FER: variants seen among roughly 807,000 people sequenced by gnomAD.
FER encodes the protein tyrosine-protein kinase Fer.
A neutral mutation model predicts 111.0 loss-of-function variants in FER; 63 were observed. That is an observed-to-expected ratio of 0.57 (90% CI 0.46 to 0.70). The LOEUF is 0.70. Ranked by LOEUF, FER falls within the 30% of genes least tolerant of loss-of-function variation. The pLI is 0.00. For missense variants in FER, 914 were observed against 954.0 expected (o/e 0.96, Z 0.55); for synonymous variants, 327 against 313.9 (o/e 1.04, Z -0.44).
chr5:108,868,315 T>C (rs796802356), intron 6 of FER, among the ~76,000 whole-genome samples: 6 of 137,220 alleles, frequency 4.4e-5, no homozygotes, highest in African/African-American at 1.5e-4. Flanking sequence ...TTTTGAAAGT[T>C]TATTTGTCAG....
intron 18 of FER, among the ~76,000 whole-genome samples, chr5:109,183,255 T>TTTG (rs1758473736): frequency 1.3e-5 from 2 of 148,902 alleles, no homozygotes; most frequent in Non-Finnish European, 3.0e-5. Flanking sequence ...CGTGTTTTTT[T>TTTG]TTTTTTTTTT....
chr5:108,945,710 T>G (rs1244468602), intron 10 of FER, among the ~76,000 whole-genome samples: 1 of 152,170 alleles, frequency 6.6e-6, no homozygotes, highest in African/African-American at 2.4e-5. Flanking sequence ...CTGTTTTTTT[T>G]TGTGATTATT....
Position 108,753,186 on chromosome 5 carries a change from A to G in FER, c.-206+5186A>G, listed in dbSNP as rs371080385. 2.6e-5 allele frequency among the ~76,000 whole-genome samples: 4 copies of G among 152,260 alleles called. No individual in the cohort carries two copies. In the South Asian group the frequency reaches 6.2e-4, roughly 24 times the overall value. On this transcript the variant is annotated intron_variant, in intron 1 of 19. Coordinates refer to ENST00000281092, the MANE Select transcript of FER (RefSeq NM_005246.4). ...TGTATTCAGTTCTTTATGTGATAAC[A>G]TTGATTTTATCTCTCCTTGTATTAA...
At chr5:109,011,454 C>T (rs1481649286) in intron 13 of FER, among the ~76,000 whole-genome samples, 3 of 152,136 alleles carry the variant, frequency 2.0e-5, no homozygotes, top group Admixed American at 1.3e-4. Flanking sequence ...TTGTCTCGCT[C>T]AGTTACCTTT....
chr5:109,002,792 A>G (rs959201825), intron 13 of FER, among the ~76,000 whole-genome samples: 1 of 152,370 alleles, frequency 6.6e-6, no homozygotes, highest in African/African-American at 2.4e-5. Flanking sequence ...ACCGCATCAA[A>G]AAGGGGGCGA....
At chr5:109,082,854 C>T (rs146817160) in intron 16 of FER, among the ~76,000 whole-genome samples, 1 of 152,042 alleles carries the variant, frequency 6.6e-6, no homozygotes, top group Non-Finnish European at 1.5e-5. Flanking sequence ...GATGAGAAAT[C>T]ATCTTTTTAT....
chr5:109,105,221 A>T (rs1304560397), intron 17 of FER, among the ~76,000 whole-genome samples: 1 of 142,774 alleles, frequency 7.0e-6, no homozygotes, highest in Non-Finnish European at 1.5e-5. Context: ...TACTGCTTCC[A>T]GCTTATATTT....
intron 13 of FER, among the ~76,000 whole-genome samples, chr5:108,973,510 A>G (rs1283615641): frequency 6.6e-6 from 1 of 151,812 alleles, no homozygotes; most frequent in South Asian, 2.1e-4. Context: ...TTTGTTATTT[A>G]TGTAACAATT....
At chr5:108,781,315 C>T (rs925551336) in intron 2 of FER, among the ~76,000 whole-genome samples, 1 of 152,074 alleles carries the variant, frequency 6.6e-6, no homozygotes, top group African/African-American at 2.4e-5. Context: ...CTCAGCCTCC[C>T]AAGTAGCTAG....
intron 13 of FER, among the ~76,000 whole-genome samples, chr5:109,006,816 C>T (rs908208630): frequency 2.0e-5 from 3 of 151,954 alleles, no homozygotes; most frequent in African/African-American, 7.3e-5. Flanking sequence ...ATGTGATGCT[C>T]ATATGGTGGG....
intron 10 of FER, among the ~76,000 whole-genome samples, chr5:108,939,480 C>T (rs1003263096): frequency 6.6e-6 from 1 of 151,918 alleles, no homozygotes; most frequent in Non-Finnish European, 1.5e-5. Context: ...AAGTTCAAAC[C>T]ATGTCGTCAA....
At chr5:108,839,218 T>G (rs1760984078) in intron 5 of FER, among the ~76,000 whole-genome samples, 1 of 152,142 alleles carries the variant, frequency 6.6e-6, no homozygotes, top group African/African-American at 2.4e-5. Flanking sequence ...TAAATGTTCC[T>G]TCAGAATAAG....
At chr5:108,981,295 G>A (rs1321725135) in intron 13 of FER, among the ~76,000 whole-genome samples, 1 of 151,770 alleles carries the variant, frequency 6.6e-6, no homozygotes, top group Non-Finnish European at 1.5e-5. Flanking sequence ...TTCCCCTAAA[G>A]GATTAGGAGA....
At chr5:108,858,406 T>G (rs1286894696) in intron 5 of FER, among the ~76,000 whole-genome samples, 1 of 152,218 alleles carries the variant, frequency 6.6e-6, no homozygotes, top group Non-Finnish European at 1.5e-5. Context: ...TAGCTTTCTA[T>G]TGTAATCAAA....
chr5:108,848,300 G>A (rs940781042), intron 5 of FER, among the ~76,000 whole-genome samples: 1 of 151,986 alleles, frequency 6.6e-6, no homozygotes, highest in Non-Finnish European at 1.5e-5. Flanking sequence ...TTAATTAGTG[G>A]CATTTAGACC....
chr5:108,900,956 G>C (rs1052482570), intron 10 of FER, among the ~76,000 whole-genome samples: 1 of 152,168 alleles, frequency 6.6e-6, no homozygotes, highest in Non-Finnish European at 1.5e-5. Flanking sequence ...AATTGCCATT[G>C]TAAGAGTGTT....
chr5:108,920,149 A>G (rs1752836646), intron 10 of FER, among the ~76,000 whole-genome samples: 1 of 152,098 alleles, frequency 6.6e-6, no homozygotes, highest in Non-Finnish European at 1.5e-5. Flanking sequence ...GTATCAGAAA[A>G]AACAAATTTC....
intron 16 of FER, among the ~76,000 whole-genome samples, chr5:109,066,771 G>A (rs1775139111): frequency 6.6e-6 from 1 of 152,110 alleles, no homozygotes; most frequent in South Asian, 2.1e-4. Context: ...CACCAGCTTT[G>A]TTCCATACAA....
intron 13 of FER, among the ~76,000 whole-genome samples, chr5:109,018,899 C>T (rs1449686088): frequency 6.6e-6 from 1 of 151,406 alleles, no homozygotes; most frequent in Non-Finnish European, 1.5e-5. Flanking sequence ...GAACAGGAAA[C>T]CTTGATTACT....
Sources: allele counts gnomAD v4.1 joint callset (sites outside exome capture counted in the v4.1 genomes callset), GRCh38; gene constraint gnomAD v4.1.1; transcripts MANE v1.5; gene names NCBI Gene and HGNC (gene_info 2026-07-23, HGNC 2026-07-21).